The following USP3 variants were observed in gnomAD, a reference collection of about 807,000 sequenced individuals.
USP3 encodes ubiquitin carboxyl-terminal hydrolase 3.
USP3 carries 20 observed loss-of-function variants against 72.3 expected under a neutral mutation model. The observed-to-expected ratio is 0.28, with a 90% confidence interval of 0.19 to 0.40. The LOEUF (loss-of-function observed/expected upper bound fraction) is 0.40, where lower values mean the gene tolerates loss of function less well. USP3 is among the 10% of genes least tolerant of loss of function. The probability of loss-of-function intolerance (pLI) is 1.00; values close to 1 mark genes in which losing one functional copy is unlikely to be tolerated. For synonymous variants in USP3, 222 were observed against 225.3 expected (o/e 0.99, Z 0.13); for missense variants, 479 against 633.9 (o/e 0.76, Z 2.62).
At chr15:63,550,999 A>T (rs2152668860) in intron 3 of USP3, among the ~76,000 whole-genome samples, 1 of 152,308 alleles carries the variant, frequency 6.6e-6, no homozygotes, top group East Asian at 1.9e-4. Flanking sequence ...ATTTTTAAAA[A>T]ATAAAGAAAA....
intron 3 of USP3, among the ~76,000 whole-genome samples, chr15:63,545,231 G>T (rs2066302872): frequency 6.6e-6 from 1 of 152,100 alleles, no homozygotes; most frequent in African/African-American, 2.4e-5. Context: ...TAAGTAGCTT[G>T]TGTTTCTTAT....
At chr15:63,582,772 A>T (rs1286282897) in intron 11 of USP3, among the ~76,000 whole-genome samples, 1 of 152,192 alleles carries the variant, frequency 6.6e-6, no homozygotes, top group Non-Finnish European at 1.5e-5. Flanking sequence ...TGGAGAGAAG[A>T]TGAGGACAGG....
chr15:63,551,307 T>G (rs1193068946), intron 3 of USP3: 1 of 152,038 alleles, frequency 6.6e-6, no homozygotes, highest in African/African-American at 2.4e-5. Flanking sequence ...TGTTGAGTCT[T>G]TTTTCTTTTC....
At chr15:63,567,846 G>A (rs1035083814) in intron 8 of USP3, among the ~76,000 whole-genome samples, 1 of 152,170 alleles carries the variant, frequency 6.6e-6, no homozygotes, top group African/African-American at 2.4e-5. Flanking sequence ...TGTAGTCATT[G>A]TGCCAAAACC....
chr15:63,516,261 A>T (rs575983346), intron 1 of USP3, among the ~76,000 whole-genome samples: 153 of 152,336 alleles, frequency 1.0e-3, no homozygotes, highest in African/African-American at 3.6e-3. Flanking sequence ...TCCAAGCACT[A>T]ACTCTTTTCT....
chr15:63,505,088 G>A (rs1462431926), intron 1 of USP3, among the ~76,000 whole-genome samples: 1 of 151,138 alleles, frequency 6.6e-6, no homozygotes, highest in Non-Finnish European at 1.5e-5. Context: ...GGCCTCGAGC[G>A]CGTGGGGGCA....
At position 63,585,243 on chromosome 15, in the gene USP3, G is replaced by C. The variant is rs546681657; in HGVS notation, c.1097-3062G>C. 3.3e-5 allele frequency among the ~76,000 whole-genome samples: 5 copies of C among 152,188 alleles called. No homozygotes were observed. In the East Asian group the frequency reaches 9.7e-4, roughly 29 times the overall value. On this transcript the variant is annotated intron_variant, in intron 11 of 14. Coordinates refer to ENST00000380324, the MANE Select transcript of USP3 (RefSeq NM_006537.4). The stretch of plus-strand genomic sequence containing the variant: ...GAGAGTCCATGTGAGTTTCAGGATG[G>C]GTTTTCTATTTCTGCAGAAATTTCT...
intron 8 of USP3, among the ~76,000 whole-genome samples, chr15:63,565,957 C>T (rs2066683378): frequency 6.6e-6 from 1 of 152,182 alleles, no homozygotes; most frequent in South Asian, 2.1e-4. Flanking sequence ...CTTAACACAG[C>T]TCTGTCTTGC....
At position 63,517,844 on chromosome 15, in the gene USP3, C is replaced by T. The variant is rs543772575; in HGVS notation, c.91+13014C>T. The stretch of plus-strand genomic sequence containing the variant: ...TTCCTGGCTGACACTCAGGCCATAG[C>T]TTCCTCTGCACTACTAAGATTGTTA... On this transcript the variant is annotated intron_variant, in intron 1 of 14. Transcript: ENST00000380324. Among the ~76,000 whole-genome samples, 6 of 152,346 alleles carry T rather than the reference C, an allele frequency of 3.9e-5. No homozygotes were observed. In the South Asian group the frequency reaches 1.2e-3, roughly 32 times the overall value.
rs755725227 is a variant in USP3 at position 63,588,854 on chromosome 15, T to G, written c.1329+39T>G. 2 of 1,610,880 alleles carry G rather than the reference T, an allele frequency of 1.2e-6. No homozygotes were observed. The highest frequency in any genetic ancestry group is 4.5e-5 in the East Asian group (2 of 44,868). Reference sequence around the variant, plus strand: ...CTTTTTAGCATGGTGAAAAAATGGCTCTTCAGTAAGATTGTCATCACATGG... The same window carrying G: ...CTTTTTAGCATGGTGAAAAAATGGCGCTTCAGTAAGATTGTCATCACATGG... On this transcript the variant is annotated intron_variant, in intron 13 of 14. Transcript: ENST00000380324. The surrounding 1 kb of genome is among the most constrained non-coding windows in gnomAD (Gnocchi z 4.6).
At chr15:63,561,153 A>G (rs574189814) in intron 7 of USP3, among the ~76,000 whole-genome samples, 1 of 152,264 alleles carries the variant, frequency 6.6e-6, no homozygotes, top group South Asian at 2.1e-4. Flanking sequence ...AAGTGCCTGC[A>G]TTCAAGGAGG....
chr15:63,552,379 A>G (rs1156760989), intron 3 of USP3, among the ~76,000 whole-genome samples: 4 of 152,178 alleles, frequency 2.6e-5, no homozygotes, highest in Non-Finnish European at 5.9e-5. Context: ...AAAAATTAAA[A>G]CTTTTCACTA....
At chr15:63,585,568 T>C (rs1407940519) in intron 11 of USP3, among the ~76,000 whole-genome samples, 1 of 152,196 alleles carries the variant, frequency 6.6e-6, no homozygotes, top group Non-Finnish European at 1.5e-5. Context: ...TGATTTTGTA[T>C]CCTGTCTTTT....
At position 63,588,399 on chromosome 15, in the gene USP3, G is replaced by C. The variant is rs1204128812; in HGVS notation, c.1191G>C (p.Lys397Asn). 6.2e-7 allele frequency: 1 copy of C among 1,604,780 alleles called. No individual in the cohort carries two copies. The highest frequency in any genetic ancestry group is 8.5e-7 in the Non-Finnish European group (1 of 1,177,638). The change falls in exon 12 of 15, where the codon AAG (lysine) becomes AAC (asparagine). Residue 397 changes from lysine (K) to asparagine (N), a missense_variant. Lys to Asn is a moderately conservative substitution (Grantham distance 94). Transcript: ENST00000380324. This position sits in a 1 kb window ranked among gnomAD's most constrained non-coding sequence, Gnocchi z 4.6. ...KCKKKQKSTK[K>N]FWIQKLPKVL... ...AAAAGAAACAAAAGTCCACAAAAAAGTTTTGGATTCAAAAACTACCCAAGG... is the reference window on the plus strand; with the variant it reads ...AAAAGAAACAAAAGTCCACAAAAAACTTTTGGATTCAAAAACTACCCAAGG...
intron 3 of USP3, among the ~76,000 whole-genome samples, chr15:63,546,194 TGCCTAG>T (rs1403226906): frequency 1.3e-5 from 2 of 152,196 alleles, no homozygotes; most frequent in Non-Finnish European, 2.9e-5. Context: ...ATCTGAATCC[TGCCTAG>T]GCCTCTCCTG....
chr15:63,553,798 A>G lies in USP3; in HGVS notation c.368A>G (p.Asn123Ser). 1 of 1,612,220 alleles carries G rather than the reference A, an allele frequency of 6.2e-7. No individual in the cohort carries two copies. Among genetic ancestry groups the G allele is most frequent in the Non-Finnish European group, 8.5e-7 (1 of 1,179,006 alleles). Residue 123 changes from asparagine to serine, a missense_variant and splice_region_variant, in exon 4 of 15, where the codon AAC (asparagine) becomes AGC (serine). Asn to Ser is a conservative substitution (Grantham distance 46, BLOSUM62 1). Transcript: ENST00000380324. The surrounding 1 kb of genome is among the most constrained non-coding windows in gnomAD (Gnocchi z 4.2). ...AGAGAACACTTACAGAACTTGGAAA[A>G]GTAAGTAATAGGCCTTTGGAAAAAG... ...KVREHLQNLE[N>S]SAFTADRHKK...
At position 63,529,307 on chromosome 15, in the gene USP3, T is replaced by C; in HGVS notation, c.92-3340T>C. On this transcript the variant is annotated intron_variant, in intron 1 of 14. Coordinates refer to ENST00000380324, the MANE Select transcript of USP3 (RefSeq NM_006537.4). The surrounding 1 kb of genome is among the most constrained non-coding windows in gnomAD (Gnocchi z 4.2). ...CTCCTTATCATTACGTATCTGTCTG[T>C]CTAATTGATGCACAATTCACATAAC... 2.8e-6 allele frequency: 1 copy of C among 363,412 alleles called. No individual in the cohort carries two copies. Among genetic ancestry groups the C allele is most frequent in the South Asian group, 2.2e-5 (1 of 46,370 alleles). The allele number at this position is 363,412 out of a possible 1,614,324, so 22.5% of individuals were successfully genotyped here.
rs548049352 is a variant in USP3 at position 63,504,627 on chromosome 15, C to T, written c.-113C>T. 9.7e-5 allele frequency: 87 copies of T among 895,750 alleles called. No homozygotes were observed. The African/African-American group carries it at 1.2e-3, about 12-fold the overall frequency. 55.5% of individuals were successfully genotyped at this position (895,750 alleles called of 1,614,324 possible). A position where few individuals can be genotyped will look rare whatever the true frequency, so the allele number is the denominator to read the frequency against. On this transcript the variant is annotated 5_prime_UTR_variant, in exon 1 of 15. Transcript: ENST00000380324. Reference sequence around the variant, plus strand: ...ACGCAAGGGCTCGAGACGCAGCCGCCGTCGGCCGAGCGCCCGGCTAGAAGC... The same window carrying T: ...ACGCAAGGGCTCGAGACGCAGCCGCTGTCGGCCGAGCGCCCGGCTAGAAGC...
rs1246075866 is a variant in USP3 at position 63,570,609 on chromosome 15, G to A, written c.908+30G>A. On this transcript the variant is annotated intron_variant, in intron 9 of 14. Transcript: ENST00000380324. The surrounding 1 kb of genome is among the most constrained non-coding windows in gnomAD (Gnocchi z 4.4). ...GATTTAGTTGCCTTCTGTTTTTTAG[G>A]AGGGCCTCAGACATTTCTTTTGGTG... The A allele has an allele frequency of 6.3e-7, 1 of 1,587,684 alleles. No homozygotes were observed. Among genetic ancestry groups the A allele is most frequent in the Admixed American group, 1.8e-5 (1 of 57,056 alleles).
Sources: allele counts gnomAD v4.1 joint callset (sites outside exome capture counted in the v4.1 genomes callset), GRCh38; gene constraint gnomAD v4.1.1; non-coding constraint Gnocchi (gnomAD v3.1); transcripts MANE v1.5; gene names NCBI Gene and HGNC (gene_info 2026-07-23, HGNC 2026-07-21).